The following HCN2 variants were observed in gnomAD, a reference collection of about 807,000 sequenced individuals.
HCN2 encodes hyperpolarization activated cyclic nucleotide gated potassium and sodium channel 2, also known as potassium/sodium hyperpolarization-activated cyclic nucleotide-gated channel 2.
In HCN2, 20 loss-of-function variants were observed where a neutral mutation model predicts 52.3. That is an observed-to-expected ratio of 0.38 (90% CI 0.27 to 0.56). The LOEUF (loss-of-function observed/expected upper bound fraction) is 0.56, where lower values mean the gene tolerates loss of function less well. Among genes scored for constraint, HCN2 ranks in the 20% least tolerant of loss-of-function variants. The pLI, the probability that HCN2 is intolerant of heterozygous loss-of-function variation, is 0.71. For synonymous variants in HCN2, 694 were observed against 537.0 expected, an observed-to-expected ratio of 1.29 and a Z score of -4.04; for missense variants, 981 against 1,207.7, an observed-to-expected ratio of 0.81 and a Z score of 2.78.
At chr19:599,222 C>A (rs1983124627) in intron 1 of HCN2, among the ~76,000 whole-genome samples, 1 of 152,242 alleles carries the variant, frequency 6.6e-6, no homozygotes, top group African/African-American at 2.4e-5. Flanking sequence ...TCCTCGGGAT[C>A]ATTTCCCCGA....
intron 1 of HCN2, among the ~76,000 whole-genome samples, chr19:598,965 C>A (rs866182041): frequency 2.5e-4 from 38 of 152,026 alleles, no homozygotes; most frequent in African/African-American, 8.7e-4. Flanking sequence ...GGGGGTGTCC[C>A]GAAGGCTCAG....
At position 590,268 on chromosome 19, in the gene HCN2, A is replaced by G. The variant is rs1286773481; in HGVS notation, c.323A>G (p.Gln108Arg). 2.0e-6 allele frequency: 2 copies of G among 985,706 alleles called. No individual in the cohort carries two copies. Among genetic ancestry groups the G allele is most frequent in the Non-Finnish European group, 2.4e-6 (2 of 832,662 alleles). The allele number at this position is 985,706 out of a possible 1,614,324, so 61.1% of individuals were successfully genotyped here. ...GGCGAGTGCGGGCGCGGCGAGCCGCAGTGCAGCCCCGCGGGGCCCGAGGGC... is the reference window on the plus strand; with the variant it reads ...GGCGAGTGCGGGCGCGGCGAGCCGCGGTGCAGCCCCGCGGGGCCCGAGGGC... Reference protein sequence around the residue: ...PNGECGRGEPQCSPAGPEGPA... With the variant: ...PNGECGRGEPRCSPAGPEGPA... The change falls in exon 1 of 8, where the codon CAG (glutamine) becomes CGG (arginine). Residue 108 changes from glutamine (Q) to arginine (R), a missense_variant. Physicochemically the swap from Gln to Arg is conservative, Grantham distance 43. Transcript: ENST00000251287. The surrounding 1 kb of genome is among the most constrained non-coding windows in gnomAD (Gnocchi z 7.2).
At chr19:612,048 G>T (rs1434158423) in intron 5 of HCN2, among the ~76,000 whole-genome samples, 1 of 152,076 alleles carries the variant, frequency 6.6e-6, no homozygotes, top group Non-Finnish European at 1.5e-5. Flanking sequence ...TGGAGGCTGA[G>T]ACAGGAGAAT....
chr19:590,242 C>T lies in HCN2; in HGVS notation c.297C>T (p.Asn99=). 1 of 988,642 alleles carries T rather than the reference C, an allele frequency of 1.0e-6. No individual in the cohort carries two copies. The highest frequency in any genetic ancestry group is 4.3e-5 in the South Asian group (1 of 23,112). The allele number at this position is 988,642 out of a possible 1,614,324, so 61.2% of individuals were successfully genotyped here. A position where few individuals can be genotyped will look rare whatever the true frequency, so the allele number is the denominator to read the frequency against. ...CGAGCACGGCCAAGGGCAGCCCGAA[C>T]GGCGAGTGCGGGCGCGGCGAGCCGC... ...GAASTAKGSP[N]GECGRGEPQC... is the part of the protein sequence containing the mutation. The change falls in exon 1 of 8, where the codon AAC becomes AAT. Residue 99 remains asparagine (N), a synonymous_variant. Coordinates refer to ENST00000251287, the MANE Select transcript of HCN2 (RefSeq NM_001194.4). This position sits in a 1 kb window ranked among gnomAD's most constrained non-coding sequence, Gnocchi z 7.2.
At chr19:610,480 C>A in intron 5 of HCN2, 75 bp downstream of exon 5, 1 of 1,400,010 alleles carries the variant, frequency 7.1e-7, no homozygotes, top group Non-Finnish European at 1.0e-6. Context: ...GCCCAGGAGC[C>A]GGTCCCTGAG....
chr19:602,232 T>C, intron 1 of HCN2, among the ~76,000 whole-genome samples: 1 of 84,564 alleles, frequency 1.2e-5, no homozygotes. Context: ...CCCTCCTCTC[T>C]CCTCCTGCGT....
At chr19:613,760 G>T in intron 6 of HCN2, 92 bp from the exon 7 acceptor site, 1 of 1,326,956 alleles carries the variant, frequency 7.5e-7, no homozygotes, top group Non-Finnish European at 9.7e-7. Context: ...CGCCCACGCT[G>T]GCCAAGGTGC....
chr19:611,637 T>G (rs1983642204), intron 5 of HCN2, among the ~76,000 whole-genome samples: 1 of 152,238 alleles, frequency 6.6e-6, no homozygotes, highest in African/African-American at 2.4e-5. Flanking sequence ...TTTGTAGAGA[T>G]ATAACACTCA....
intron 4 of HCN2, 81 bp downstream of exon 4, chr19:608,263 G>T: frequency 1.5e-6 from 2 of 1,321,728 alleles, no homozygotes; most frequent in Non-Finnish European, 2.1e-6. Context: ...AGTCAGGCCA[G>T]GCCCTGGGGT....
chr19:600,271 C>G (rs183811929), intron 1 of HCN2, among the ~76,000 whole-genome samples: 76 of 152,310 alleles, frequency 5.0e-4, no homozygotes, highest in Admixed American at 8.5e-4. Context: ...CTCCCGGGTT[C>G]AAACAATTCA....
chr19:593,448 C>T (rs777675551), intron 1 of HCN2, among the ~76,000 whole-genome samples: 5 of 152,104 alleles, frequency 3.3e-5, no homozygotes, highest in African/African-American at 2.4e-5. Context: ...GAGATGATCC[C>T]GTCTCTACTA....
At chr19:595,433 C>T (rs1398436539) in intron 1 of HCN2, among the ~76,000 whole-genome samples, 1 of 152,190 alleles carries the variant, frequency 6.6e-6, no homozygotes, top group Non-Finnish European at 1.5e-5. Context: ...TCTACCTCCT[C>T]CCTGGCTCCA....
chr19:603,115 G>A (rs1600524450), intron 1 of HCN2, among the ~76,000 whole-genome samples: 1 of 147,112 alleles, frequency 6.8e-6, no homozygotes, highest in African/African-American at 2.5e-5. Flanking sequence ...CCTGGGGGAA[G>A]GCACCAGCTT....
In HCN2 at chr19:591,767, G is replaced by A. The variant is rs1347868073; in HGVS notation, c.632+1190G>A. On this transcript the variant is annotated intron_variant, in intron 1 of 7. Coordinates refer to ENST00000251287, the MANE Select transcript of HCN2 (RefSeq NM_001194.4). This position sits in a 1 kb window ranked among gnomAD's most constrained non-coding sequence, Gnocchi z 4.1. The stretch of plus-strand genomic sequence containing the variant: ...TGGGCGCCCCAGGACAGCCCCCACG[G>A]ACCCTGGACCCCCGGAACTGGGCAG... Among the ~76,000 whole-genome samples the A allele has an allele frequency of 6.6e-6, 1 of 152,124 alleles. No homozygotes were observed. The highest frequency in any genetic ancestry group is 2.4e-5 in the African/African-American group (1 of 41,430).
chr19:614,556 G>C (rs924473683), intron 7 of HCN2, among the ~76,000 whole-genome samples: 2 of 152,182 alleles, frequency 1.3e-5, no homozygotes, highest in African/African-American at 4.8e-5. Context: ...AGATGTGTTC[G>C]TGGAGTGGAC....
chr19:614,352 C>A (rs1181051682), intron 7 of HCN2, among the ~76,000 whole-genome samples: 1 of 152,184 alleles, frequency 6.6e-6, no homozygotes, highest in Admixed American at 6.5e-5. Context: ...TCGGTGAGCA[C>A]CTGCTGTGTG....
intron 1 of HCN2, among the ~76,000 whole-genome samples, chr19:599,666 T>C (rs1444979131): frequency 6.6e-6 from 1 of 151,176 alleles, no homozygotes; most frequent in Non-Finnish European, 1.5e-5. Context: ...CGGGCGCCTA[T>C]AGTCCCAGCT....
intron 7 of HCN2, among the ~76,000 whole-genome samples, chr19:614,278 A>G (rs1461440761): frequency 6.6e-6 from 1 of 152,158 alleles, no homozygotes; most frequent in Non-Finnish European, 1.5e-5. Context: ...GTCCTACTTC[A>G]GCCAGAGGCA....
At position 590,938 on chromosome 19, in the gene HCN2, G is replaced by A. The variant is rs1982853370; in HGVS notation, c.632+361G>A. On this transcript the variant is annotated intron_variant, in intron 1 of 7. Transcript: ENST00000251287. The surrounding 1 kb of genome is among the most constrained non-coding windows in gnomAD (Gnocchi z 7.2). The stretch of plus-strand genomic sequence containing the variant: ...AGAGAGGCGGCGGAGCGGGAGGGAG[G>A]AGGAACGAAGGGCGCCCGGGAAGGA... The A allele has an allele frequency of 6.2e-6, 1 of 162,474 alleles. No homozygotes were observed. Among genetic ancestry groups the A allele is most frequent in the South Asian group, 2.0e-4 (1 of 4,922 alleles). 10.1% of individuals were successfully genotyped at this position (162,474 alleles called of 1,614,324 possible).
Sources: gnomAD v4.1 joint callset for allele counts (sites outside exome capture counted in the v4.1 genomes callset) on GRCh38, gnomAD v4.1.1 for gene constraint, Gnocchi (gnomAD v3.1) non-coding constraint, MANE v1.5 for transcripts, NCBI Gene and HGNC (gene_info 2026-07-23, HGNC 2026-07-21) for gene names.